The following SLC25A16 variants were observed in gnomAD, a reference collection of about 807,000 sequenced individuals.
The protein encoded by SLC25A16 is solute carrier family 25 member 16.
In SLC25A16, 39 loss-of-function variants were observed where a neutral mutation model predicts 41.5. The ratio of observed to expected loss-of-function variants is 0.94; its 90% CI spans 0.73 to 1.23. The LOEUF is 1.23. Among genes scored for constraint, SLC25A16 ranks in the 50% most tolerant of loss-of-function variants. The probability of loss-of-function intolerance (pLI) is 0.00; values close to 1 mark genes in which losing one functional copy is unlikely to be tolerated. For synonymous variants in SLC25A16, 146 were observed against 147.8 expected, an observed-to-expected ratio of 0.99 and a Z score of 0.09; for missense variants, 421 against 426.9, an observed-to-expected ratio of 0.99 and a Z score of 0.12.
chr10:68,503,992 T>C (rs2133549151), intron 3 of SLC25A16, among the ~76,000 whole-genome samples: 1 of 149,904 alleles, frequency 6.7e-6, no homozygotes, highest in Middle Eastern at 3.5e-3. Flanking sequence ...AACAAGTGAC[T>C]GGGGGTAGTA....
intron 8 of SLC25A16, among the ~76,000 whole-genome samples, chr10:68,486,248 C>T (rs1460783337): frequency 7.6e-6 from 1 of 131,428 alleles, no homozygotes; most frequent in African/African-American, 3.1e-5. Flanking sequence ...AAAAAAAAAA[C>T]ACAACCTCTA....
At chr10:68,526,206 C>G (rs1298363093) in intron 1 of SLC25A16, among the ~76,000 whole-genome samples, 1 of 151,186 alleles carries the variant, frequency 6.6e-6, no homozygotes, top group Non-Finnish European at 1.5e-5. Context: ...CGGTATAAAA[C>G]GCGATTGTAT....
intron 1 of SLC25A16, among the ~76,000 whole-genome samples, chr10:68,526,998 G>C (rs537375370): frequency 6.6e-6 from 1 of 152,254 alleles, no homozygotes; most frequent in African/African-American, 2.4e-5. Flanking sequence ...CTGAAGAATG[G>C]GTGCCTGATT....
chr10:68,493,065 GAAAAA>G, intron 6 of SLC25A16, 62 bp downstream of exon 6: 4 of 772,488 alleles, frequency 5.2e-6, no homozygotes, highest in Non-Finnish European at 6.3e-6. Flanking sequence ...TACCATTTCA[GAAAAA>G]AAAAAAAAAG....
chr10:68,498,338 T>TTTTA, intron 4 of SLC25A16, among the ~76,000 whole-genome samples: 1 of 151,190 alleles, frequency 6.6e-6, no homozygotes, highest in Non-Finnish European at 1.5e-5. Context: ...TTTTTTTTTT[T>TTTTA]GAGACAGAGT....
intron 2 of SLC25A16, among the ~76,000 whole-genome samples, chr10:68,511,290 T>A (rs2053058732): frequency 6.6e-6 from 1 of 152,190 alleles, no homozygotes; most frequent in African/African-American, 2.4e-5. Context: ...AGATTTATTT[T>A]TTTGAGGGGG....
intron 6 of SLC25A16, 53 bp downstream of exon 6, chr10:68,493,079 A>AAT: frequency 1.0e-6 from 1 of 994,826 alleles, no homozygotes; most frequent in East Asian, 2.4e-5. Context: ...AAAAAAAAAA[A>AAT]GGTAACAAAT....
At chr10:68,495,265 AC>A (rs2052731000) in intron 4 of SLC25A16, among the ~76,000 whole-genome samples, 1 of 151,634 alleles carries the variant, frequency 6.6e-6, no homozygotes, top group Non-Finnish European at 1.5e-5. Context: ...ACAAAAATTA[AC>A]CAGGTGTAAT....
chr10:68,483,588 AC>A lies in SLC25A16; in HGVS notation c.843-1del. ...CATACTTCATAGTATCCCGCATGGT[AC>A]TGAAAGACAATGATTAAATGATGAC... On this transcript the variant is annotated splice_acceptor_variant, in intron 8 of 8. Transcript: ENST00000609923. LOFTEE classifies it high-confidence loss of function. 6.3e-7 allele frequency: 1 copy of A among 1,586,706 alleles called. No individual in the cohort carries two copies. Among genetic ancestry groups the A allele is most frequent in the Non-Finnish European group, 8.6e-7 (1 of 1,167,950 alleles).
chr10:68,512,781 T>C (rs2053089259), intron 2 of SLC25A16, among the ~76,000 whole-genome samples: 1 of 152,092 alleles, frequency 6.6e-6, no homozygotes, highest in African/African-American at 2.4e-5. Context: ...CTCATGCCTA[T>C]AATCCCAGCA....
At chr10:68,492,449 C>T (rs1031164201) in intron 6 of SLC25A16, among the ~76,000 whole-genome samples, 1 of 152,000 alleles carries the variant, frequency 6.6e-6, no homozygotes, top group Non-Finnish European at 1.5e-5. Context: ...CCACAATTAC[C>T]TCAAAATAAA....
At chr10:68,495,347 A>G (rs1237482183) in intron 4 of SLC25A16, among the ~76,000 whole-genome samples, 2 of 151,860 alleles carry the variant, frequency 1.3e-5, no homozygotes, top group East Asian at 3.9e-4. Context: ...CCTGGAAGGC[A>G]GAGGTTGCGG....
At position 68,506,722 on chromosome 10, in the gene SLC25A16, T is replaced by A; in HGVS notation, c.224-4A>T. The stretch of plus-strand genomic sequence containing the variant: ...GCACGCAATGCAGAAAATACTCCTA[T>A]TTTTAGAGGAAAAATGCTGTTAAAA... On this transcript the variant is annotated splice_polypyrimidine_tract_variant and splice_region_variant and intron_variant, in intron 2 of 8. Transcript: ENST00000609923. 6.4e-7 allele frequency: 1 copy of A among 1,554,914 alleles called. No individual in the cohort carries two copies. Among genetic ancestry groups the A allele is most frequent in the Non-Finnish European group, 8.7e-7 (1 of 1,150,574 alleles).
In SLC25A16 at chr10:68,527,200, C is replaced by A. The variant is rs934500851; in HGVS notation, c.130+46G>T. 10 of 1,537,772 alleles carry A rather than the reference C, an allele frequency of 6.5e-6. No individual in the cohort carries two copies. In the Admixed American group the frequency reaches 1.7e-4, roughly 25 times the overall value. ...TGCATCCCACTTGCCCACAGTCCTG[C>A]CCCCGCCACTCAGAGCGCGGCTGGC... On this transcript the variant is annotated intron_variant, in intron 1 of 8. Coordinates refer to ENST00000609923, the MANE Select transcript of SLC25A16 (RefSeq NM_152707.4).
At chr10:68,486,218 C>CAAAAA (rs1397261235) in intron 8 of SLC25A16, among the ~76,000 whole-genome samples, 1 of 49,910 alleles carries the variant, frequency 2.0e-5, no homozygotes, top group African/African-American at 9.5e-5. Flanking sequence ...GACTTTGTCT[C>CAAAAA]AAAAAAACAA....
intron 8 of SLC25A16, among the ~76,000 whole-genome samples, chr10:68,486,246 A>AAAAC (rs1564908767): frequency 1.1e-4 from 16 of 143,462 alleles, no homozygotes; most frequent in African/African-American, 1.9e-4. Context: ...AAAAAAAAAA[A>AAAAC]ACACAACCTC....
Position 68,493,511 on chromosome 10 carries a change from G to A in SLC25A16, c.481C>T (p.Gln161Ter). ...LDMVRVRLAF[Q>*]VKGEHSYTGI... is the part of the protein sequence containing the mutation. The stretch of plus-strand genomic sequence containing the variant: ...GTATAGCTGTGTTCCCCTTTCACCT[G>A]GAATGCTAGGCGGACCCTAACCATG... The change falls in exon 5 of 9, where the codon CAG (glutamine) becomes TAG (stop). Residue 161 changes from glutamine to a stop codon, truncating the protein, a stop_gained. Transcript: ENST00000609923. LOFTEE classifies it high-confidence loss of function. 6.2e-7 allele frequency: 1 copy of A among 1,612,774 alleles called. No homozygotes were observed. Among genetic ancestry groups the A allele is most frequent in the Non-Finnish European group, 8.5e-7 (1 of 1,178,962 alleles).
chr10:68,493,626 T>TC, intron 4 of SLC25A16, 56 bp from the exon 5 acceptor site: 1 of 1,329,626 alleles, frequency 7.5e-7, no homozygotes. Context: ...ATACATATAT[T>TC]CCCCTATCAT....
At chr10:68,489,798 G>A (rs1460326283) in intron 6 of SLC25A16, among the ~76,000 whole-genome samples, 1 of 151,722 alleles carries the variant, frequency 6.6e-6, no homozygotes, top group East Asian at 1.9e-4. Context: ...CTACTCAGGA[G>A]GCTGAGGCAA....
Sources: allele counts gnomAD v4.1 joint callset (sites outside exome capture counted in the v4.1 genomes callset), GRCh38; gene constraint gnomAD v4.1.1; transcripts MANE v1.5; gene names NCBI Gene and HGNC (gene_info 2026-07-23, HGNC 2026-07-21).